The following PIR variants were observed in gnomAD, a reference collection of about 807,000 sequenced individuals.
The protein encoded by PIR is pirin (iron-binding nuclear protein).
A neutral mutation model predicts 24.2 loss-of-function variants in PIR; 22 were observed. The observed-to-expected ratio is 0.91, with a 90% CI of 0.65 to 1.30. The LOEUF (loss-of-function observed/expected upper bound fraction) is 1.30, where lower values mean the gene tolerates loss of function less well. Ranked by LOEUF, PIR falls within the 50% of genes most tolerant of loss-of-function variation. The pLI, the probability that PIR is intolerant of heterozygous loss-of-function variation, is 0.00. For missense variants in PIR, 220 were observed against 220.3 expected (o/e 1.00, Z 0.01); for synonymous variants, 80 against 79.6 (o/e 1.00, Z -0.03).
intron 8 of PIR, among the ~76,000 whole-genome samples, chrX:15,392,037 C>T (rs767698361): frequency 2.7e-5 from 3 of 110,959 alleles, no homozygotes; most frequent in African/African-American, 6.6e-5. Flanking sequence ...ACTGCCCTCT[C>T]GCGAGGAATC....
chrX:15,461,054 C>T, intron 3 of PIR, among the ~76,000 whole-genome samples: 1 of 111,836 alleles, frequency 8.9e-6, no homozygotes. Flanking sequence ...CTAGCAGATG[C>T]ATCCCTGAGC....
intron 3 of PIR, among the ~76,000 whole-genome samples, chrX:15,473,866 T>G (rs1188596328): frequency 1.8e-5 from 2 of 112,914 alleles, no homozygotes; most frequent in Non-Finnish European, 3.7e-5. Flanking sequence ...CTGTTTTTTA[T>G]TTTTTAAAAA....
At chrX:15,411,068 T>G (rs16979911) in intron 6 of PIR, among the ~76,000 whole-genome samples, 8,314 of 111,512 alleles carry the variant, frequency 0.075, 771 homozygotes, top group African/African-American at 0.25. Context: ...CAAGAATTGA[T>G]GTCATCCCCC....
intron 3 of PIR, among the ~76,000 whole-genome samples, chrX:15,461,561 G>T (rs1188826832): frequency 1.8e-5 from 2 of 112,010 alleles, no homozygotes; most frequent in African/African-American, 6.5e-5. Flanking sequence ...TGGGCGGATC[G>T]CCTGAGGTCA....
At chrX:15,409,200 A>G (rs905500140) in intron 6 of PIR, among the ~76,000 whole-genome samples, 6 of 100,463 alleles carry the variant, frequency 6.0e-5, no homozygotes, top group Admixed American at 4.5e-4. Flanking sequence ...CCGGGTTCAC[A>G]CCATTCTCCC....
At chrX:15,397,163 G>T (rs1173271958) in intron 8 of PIR, among the ~76,000 whole-genome samples, 2 of 112,340 alleles carry the variant, frequency 1.8e-5, no homozygotes, top group East Asian at 5.5e-4. Flanking sequence ...TATAAAGAAA[G>T]AAAATTAAGA....
At chrX:15,422,211 T>C (rs757882759) in intron 6 of PIR, among the ~76,000 whole-genome samples, 1 of 109,616 alleles carries the variant, frequency 9.1e-6, no homozygotes, top group Admixed American at 9.8e-5. Context: ...TGGGAAAAAA[T>C]TGAAAGAATT....
chrX:15,391,279 A>G (rs1923950596), intron 8 of PIR, among the ~76,000 whole-genome samples: 1 of 112,194 alleles, frequency 8.9e-6, no homozygotes, highest in Non-Finnish European at 1.9e-5. Context: ...ATTTCTGAAT[A>G]ATGAGAATTA....
chrX:15,442,466 C>A (rs917811592), intron 5 of PIR, among the ~76,000 whole-genome samples: 4 of 111,317 alleles, frequency 3.6e-5, no homozygotes, highest in Non-Finnish European at 7.5e-5. Flanking sequence ...AAGAAAGAGT[C>A]ATATGTCTCT....
intron 3 of PIR, among the ~76,000 whole-genome samples, chrX:15,466,138 A>C (rs1376471085): frequency 2.8e-5 from 3 of 108,180 alleles, no homozygotes; most frequent in Non-Finnish European, 5.7e-5. Context: ...AGAAGCTGCT[A>C]ACTGGTCTTC....
chrX:15,421,495 T>C (rs1427066175), intron 6 of PIR, among the ~76,000 whole-genome samples: 4 of 110,903 alleles, frequency 3.6e-5, no homozygotes, highest in Non-Finnish European at 7.6e-5. Flanking sequence ...AAAGAATCAT[T>C]AGAGACTATT....
At chrX:15,483,174 T>TATATACATATATATATATATATAG (rs955424390) in intron 2 of PIR, among the ~76,000 whole-genome samples, 1 of 98,751 alleles carries the variant, frequency 1.0e-5, no homozygotes, top group Non-Finnish European at 2.0e-5. Flanking sequence ...CATATATATA[T>TATATACATATATATATATATATAG]AAATTCAACA....
intron 6 of PIR, among the ~76,000 whole-genome samples, chrX:15,412,158 G>A (rs1212519148): frequency 1.8e-5 from 2 of 112,360 alleles, no homozygotes; most frequent in Admixed American, 9.4e-5. Flanking sequence ...AGTCATCTGA[G>A]TAATGCTTTT....
intron 5 of PIR, among the ~76,000 whole-genome samples, chrX:15,426,669 A>C (rs1292254265): frequency 8.9e-6 from 1 of 112,504 alleles, no homozygotes; most frequent in Non-Finnish European, 1.9e-5. Flanking sequence ...ATTGTTTATC[A>C]CAAAGCTCCA....
chrX:15,433,884 G>A (rs1409764027), intron 5 of PIR, among the ~76,000 whole-genome samples: 1 of 74,468 alleles, frequency 1.3e-5, no homozygotes, highest in Non-Finnish European at 2.5e-5. Context: ...GGAGGAGGAA[G>A]GAGAAAGAAG....
chrX:15,460,856 A>G (rs1349859738), intron 3 of PIR, among the ~76,000 whole-genome samples: 1 of 111,697 alleles, frequency 9.0e-6, no homozygotes, highest in Non-Finnish European at 1.9e-5. Context: ...ATGAAGCTTG[A>G]AAAAAAGGAA....
At chrX:15,441,896 A>G (rs1010202894) in intron 5 of PIR, among the ~76,000 whole-genome samples, 1 of 111,264 alleles carries the variant, frequency 9.0e-6, no homozygotes, top group Non-Finnish European at 1.9e-5. Context: ...GGTCTCAGAT[A>G]TAAGTCGTGT....
intron 5 of PIR, among the ~76,000 whole-genome samples, chrX:15,434,301 TAGA>T (rs1338091744): frequency 3.5e-5 from 2 of 57,217 alleles, no homozygotes; most frequent in African/African-American, 1.5e-4. Flanking sequence ...AAGAAGGAGA[TAGA>T]AGGAGAAGGA....
At chrX:15,464,232 ATGGAGG>A (rs1921442526) in intron 3 of PIR, 1 of 120,466 alleles carries the variant, frequency 8.3e-6, no homozygotes, top group Non-Finnish European at 1.6e-5. Context: ...GTTAGTATGC[ATGGAGG>A]TGCCCGGATG....
Sources: gnomAD v4.1 joint callset for allele counts (sites outside exome capture counted in the v4.1 genomes callset) on GRCh38, gnomAD v4.1.1 for gene constraint, MANE v1.5 for transcripts, NCBI Gene and HGNC (gene_info 2026-07-23, HGNC 2026-07-21) for gene names.